Variants in CEP41 observed in about 807,000 individuals in gnomAD.
CEP41 encodes centrosomal protein of 41 kDa.
In CEP41, 32 loss-of-function variants were observed where a neutral mutation model predicts 44.3. The observed-to-expected ratio is 0.72, with a 90% CI of 0.54 to 0.97. The LOEUF is 0.97. CEP41 is among the 50% of genes least tolerant of loss of function. The pLI is 0.00. For missense variants in CEP41, 432 were observed against 455.2 expected, an observed-to-expected ratio of 0.95 and a Z score of 0.46; for synonymous variants, 151 against 168.5, an observed-to-expected ratio of 0.90 and a Z score of 0.80.
intron 1 of CEP41, among the ~76,000 whole-genome samples, chr7:130,440,107 T>G (rs10241859): frequency 6.6e-6 from 1 of 150,846 alleles, no homozygotes. Flanking sequence ...GGAACCTCCA[T>G]CTCCTGGGTT....
At position 130,438,678 on chromosome 7, in the gene CEP41, T is replaced by A. The variant is rs147418057; in HGVS notation, c.33+2256A>T. Among the ~76,000 whole-genome samples the A allele has an allele frequency of 1.6e-4, 24 of 152,326 alleles. No individual in the cohort carries two copies. The East Asian group carries it at 4.4e-3, about 28-fold the overall frequency. ...CAGCCATCTGCCTAAAATGCAAATCTGACCATGTCACTCCTTTAATAACTC... is the reference window on the plus strand; with the variant it reads ...CAGCCATCTGCCTAAAATGCAAATCAGACCATGTCACTCCTTTAATAACTC... On this transcript the variant is annotated intron_variant, in intron 1 of 10. Transcript: ENST00000223208.
intron 10 of CEP41, 38 bp downstream of exon 10, chr7:130,400,001 C>A: frequency 7.2e-7 from 1 of 1,387,936 alleles, no homozygotes; most frequent in African/African-American, 1.4e-5. Flanking sequence ...TTCAAAGCTG[C>A]AAACCAAACA....
intron 1 of CEP41, among the ~76,000 whole-genome samples, chr7:130,429,053 C>T (rs960746796): frequency 4.6e-5 from 7 of 152,182 alleles, no homozygotes; most frequent in Non-Finnish European, 5.9e-5. Flanking sequence ...GTTAAGATGA[C>T]CAAAGGCAGT....
chr7:130,406,603 AAT>A (rs1797017569), intron 5 of CEP41, among the ~76,000 whole-genome samples: 1 of 152,142 alleles, frequency 6.6e-6, no homozygotes, highest in African/African-American at 2.4e-5. Context: ...AATAAATAAA[AAT>A]AAAAATAACA....
rs1796622376 is a variant in CEP41 at position 130,395,131 on chromosome 7, C to T, written c.*3760G>A. The T allele has an allele frequency of 2.2e-6, 1 of 453,904 alleles. No individual in the cohort carries two copies. The allele number at this position is 453,904 out of a possible 1,614,324, so 28.1% of individuals were successfully genotyped here. A position where few individuals can be genotyped will look rare whatever the true frequency, so the allele number is the denominator to read the frequency against. On this transcript the variant is annotated 3_prime_UTR_variant, in exon 11 of 11. Coordinates refer to ENST00000223208, the MANE Select transcript of CEP41 (RefSeq NM_018718.3). ...TTACATTTTTTATGTTGTAACTGAC[C>T]TGTGTATCCATTTAAAGATGTCATA...
At chr7:130,426,542 A>G (rs1554423526) in intron 2 of CEP41, 4 of 397,294 alleles carry the variant, frequency 1.0e-5, no homozygotes, top group African/African-American at 8.7e-5. Context: ...TACAGATTCC[A>G]AAAGAAATTC....
intron 5 of CEP41, among the ~76,000 whole-genome samples, chr7:130,407,016 T>C (rs1797032460): frequency 6.6e-6 from 1 of 151,606 alleles, no homozygotes; most frequent in South Asian, 2.1e-4. Context: ...CAAGAAATGA[T>C]CCTAAACTGA....
intron 1 of CEP41, among the ~76,000 whole-genome samples, chr7:130,440,108 C>T (rs1455726902): frequency 1.3e-5 from 2 of 152,082 alleles, no homozygotes; most frequent in Non-Finnish European, 2.9e-5. Context: ...GAACCTCCAT[C>T]TCCTGGGTTC....
At position 130,397,050 on chromosome 7, in the gene CEP41, T is replaced by C. The variant is rs957539042; in HGVS notation, c.*1841A>G. The C allele has an allele frequency of 4.4e-6, 2 of 454,374 alleles. No individual in the cohort carries two copies. The highest frequency in any genetic ancestry group is 6.9e-5 in the East Asian group (1 of 14,414). The allele number at this position is 454,374 out of a possible 1,614,324, so 28.1% of individuals were successfully genotyped here. ...GAAAAATCTTTTTTCCTTAAAAATG[T>C]ATATGTGGCAAAAATGGCTGAAAAT... On this transcript the variant is annotated 3_prime_UTR_variant, in exon 11 of 11. Transcript: ENST00000223208.
chr7:130,438,448 A>G (rs1798041606), intron 1 of CEP41, among the ~76,000 whole-genome samples: 1 of 152,092 alleles, frequency 6.6e-6, no homozygotes, highest in South Asian at 2.1e-4. Flanking sequence ...AGTCTCAGCT[A>G]CCCAGGAAGC....
intron 5 of CEP41, 149 bp from the exon 6 acceptor site, chr7:130,404,857 A>G: frequency 2.8e-6 from 2 of 709,484 alleles, no homozygotes; most frequent in Non-Finnish European, 4.9e-6. Flanking sequence ...CCCAAAGTGT[A>G]GTGGACCCCA....
At chr7:130,402,583 C>G in intron 7 of CEP41, 65 bp downstream of exon 7, 1 of 1,577,658 alleles carries the variant, frequency 6.3e-7, no homozygotes, top group Non-Finnish European at 8.7e-7. Context: ...TTCCAGCCTG[C>G]CTAGACTCAA....
intron 3 of CEP41, 134 bp downstream of exon 3, chr7:130,416,785 G>T (rs1157243842): frequency 1.3e-6 from 1 of 768,644 alleles, no homozygotes. Context: ...AGCCCTTGAG[G>T]CACCTGCTAG....
At chr7:130,433,404 T>C (rs1440164885) in intron 1 of CEP41, among the ~76,000 whole-genome samples, 1 of 150,778 alleles carries the variant, frequency 6.6e-6, no homozygotes, top group Non-Finnish European at 1.5e-5. Context: ...GAAAATGGTA[T>C]GGAGAGAGTG....
rs115359306 is a variant in CEP41, at chr7:130,418,550, T to A, written c.98-1584A>T. Among the ~76,000 whole-genome samples, 426 of 152,308 alleles carry A rather than the reference T, an allele frequency of 2.8e-3. 2 individuals carry two copies. The highest frequency in any genetic ancestry group is 9.7e-3 in the African/African-American group (403 of 41,554). On this transcript the variant is annotated intron_variant, in intron 2 of 10. Coordinates refer to ENST00000223208, the MANE Select transcript of CEP41 (RefSeq NM_018718.3). Reference sequence around the variant, plus strand: ...TATATGTCCCTGAGTCACCCACAGTTGCATGTTATTGACGTGGCAGGTAGT... The same window carrying A: ...TATATGTCCCTGAGTCACCCACAGTAGCATGTTATTGACGTGGCAGGTAGT...
intron 5 of CEP41, among the ~76,000 whole-genome samples, chr7:130,408,790 TAAAG>T (rs1289841548): frequency 1.3e-5 from 2 of 151,974 alleles, no homozygotes; most frequent in African/African-American, 2.4e-5. Flanking sequence ...CATTATTTTA[TAAAG>T]GTGAAAAATC....
In CEP41 at chr7:130,400,723, G is replaced by T. The variant is rs781822221; in HGVS notation, c.741C>A (p.Leu247=). The part of the protein sequence containing the change: ...TTMCERGFEN[L]FMLSGGLKVL... ...CTTGCTCACCTCCGGAAAGCATGAA[G>T]AGGTTTTCAAATCCACGCTCGCACA... The change falls in exon 9 of 11, where the codon CTC becomes CTA. Residue 247 remains leucine (L), a synonymous_variant. Transcript: ENST00000223208. 3.7e-6 allele frequency: 6 copies of T among 1,611,662 alleles called. No individual in the cohort carries two copies. Among genetic ancestry groups the T allele is most frequent in the Middle Eastern group, 3.3e-4 (2 of 6,050 alleles).
At chr7:130,418,693 C>T (rs980337740) in intron 2 of CEP41, among the ~76,000 whole-genome samples, 5 of 152,150 alleles carry the variant, frequency 3.3e-5, no homozygotes, top group African/African-American at 4.8e-5. Flanking sequence ...GCATTTCCAA[C>T]CTCCTGAAAA....
chr7:130,423,460 A>T (rs140088605), intron 2 of CEP41, among the ~76,000 whole-genome samples: 4 of 152,330 alleles, frequency 2.6e-5, no homozygotes, highest in Non-Finnish European at 4.4e-5. Flanking sequence ...CAAAACGATG[A>T]ACAATAACAA....
Sources: allele counts gnomAD v4.1 joint callset (sites outside exome capture counted in the v4.1 genomes callset), GRCh38; gene constraint gnomAD v4.1.1; transcripts MANE v1.5; gene names NCBI Gene and HGNC (gene_info 2026-07-23, HGNC 2026-07-21).